PRKCZ: variants seen among roughly 807,000 people sequenced by gnomAD.
PRKCZ encodes the protein protein kinase C zeta.
A neutral mutation model predicts 79.5 loss-of-function variants in PRKCZ; 33 were observed. The observed-to-expected ratio is 0.41, with a 90% CI of 0.31 to 0.55. The LOEUF (loss-of-function observed/expected upper bound fraction) is 0.55. PRKCZ is among the 20% of genes least tolerant of loss of function. The pLI is 0.19. For missense variants in PRKCZ, 578 were observed against 813.5 expected, an observed-to-expected ratio of 0.71 and a Z score of 3.52; for synonymous variants, 342 against 320.9, an observed-to-expected ratio of 1.07 and a Z score of -0.70.
At chr1:2,060,286 A>G (rs2247908) in intron 4 of PRKCZ, among the ~76,000 whole-genome samples, 44,218 of 152,158 alleles carry the variant, frequency 0.29, 8,096 homozygotes, top group African/African-American at 0.5. Context: ...AGTGCCCTTC[A>G]GGCAGGGCTT....
intron 4 of PRKCZ, among the ~76,000 whole-genome samples, chr1:2,064,516 C>A (rs1426076335): frequency 2.0e-5 from 3 of 152,152 alleles, no homozygotes; most frequent in Non-Finnish European, 4.4e-5. Flanking sequence ...ATGTTTAGGT[C>A]ATGGATTATC....
intron 4 of PRKCZ, among the ~76,000 whole-genome samples, chr1:2,097,679 G>A (rs371930703): frequency 2.1e-4 from 32 of 152,218 alleles, no homozygotes; most frequent in African/African-American, 7.0e-4. Flanking sequence ...GCCTCGCACC[G>A]TGCTCCTGGT....
chr1:2,083,664 G>A (rs1237635826), intron 4 of PRKCZ, among the ~76,000 whole-genome samples: 2 of 152,190 alleles, frequency 1.3e-5, no homozygotes, highest in Admixed American at 1.3e-4. Flanking sequence ...AATCCAGTGT[G>A]TGAGGAGGCT....
chr1:2,058,795 C>G (rs1011028910), intron 3 of PRKCZ, among the ~76,000 whole-genome samples: 1 of 152,072 alleles, frequency 6.6e-6, no homozygotes, highest in Admixed American at 6.5e-5. Flanking sequence ...ACTTGGGAGG[C>G]TGAGGCAGGA....
intron 4 of PRKCZ, among the ~76,000 whole-genome samples, chr1:2,120,041 C>T (rs1198846595): frequency 6.6e-6 from 1 of 152,046 alleles, no homozygotes; most frequent in Non-Finnish European, 1.5e-5. Context: ...AGGGGGTTTC[C>T]CCCAACAGGT....
At chr1:2,087,957 G>A (rs1157918071) in intron 4 of PRKCZ, among the ~76,000 whole-genome samples, 1 of 152,246 alleles carries the variant, frequency 6.6e-6, no homozygotes, top group Non-Finnish European at 1.5e-5. Flanking sequence ...GACGGCGTGA[G>A]GGACAGGCTG....
rs1410273383 is a variant in PRKCZ, at chr1:2,057,691, C to CT, written c.283+1118_283+1119insT. On this transcript the variant is annotated intron_variant, in intron 3 of 17. Transcript: ENST00000378567. ...GACCAACCTGGGCAACATAGTGAGA[C>CT]CCCCCCCTCTCCAAAACTTGTTTTA... Among the ~76,000 whole-genome samples the CT allele has an allele frequency of 4.2e-5, 6 of 142,548 alleles. No individual in the cohort carries two copies. In the East Asian group the frequency reaches 2.9e-3, roughly 70 times the overall value. 93.5% of individuals were successfully genotyped at this position (142,548 alleles called of 152,430 possible). A position where few individuals can be genotyped will look rare whatever the true frequency, so the allele number is the denominator to read the frequency against.
At chr1:2,141,603 C>A (rs1485399682) in intron 5 of PRKCZ, 1 of 153,146 alleles carries the variant, frequency 6.5e-6, no homozygotes, top group Non-Finnish European at 1.5e-5. Flanking sequence ...GCCTTGGCCT[C>A]CCAAAGTGCT....
In PRKCZ at chr1:2,094,019, C is replaced by T. The variant is rs1158521144; in HGVS notation, c.334+34428C>T. 3.3e-5 allele frequency among the ~76,000 whole-genome samples: 5 copies of T among 152,278 alleles called. No homozygotes were observed. The highest frequency in any genetic ancestry group is 3.9e-4 in the East Asian group (2 of 5,180). On this transcript the variant is annotated intron_variant, in intron 4 of 17. Transcript: ENST00000378567. The surrounding 1 kb of genome is among the most constrained non-coding windows in gnomAD (Gnocchi z 7.3). ...GCCTGACACGTGTGTCTGCTCCCTG[C>T]GGCACGTCCACAGCACCTGCCAGCC...
At position 2,172,743 on chromosome 1, in the gene PRKCZ, A is replaced by AG. The variant is rs35151355; in HGVS notation, c.1285+360dup. Among the ~76,000 whole-genome samples, 1 of 152,122 alleles carries AG rather than the reference A, an allele frequency of 6.6e-6. No individual in the cohort carries two copies. Among genetic ancestry groups the AG allele is most frequent in the Non-Finnish European group, 1.5e-5 (1 of 68,004 alleles). ...GAGAAGCTGTTGTCTGGGGAGCCCC[A>AG]GGGGGTGCAGGAGCGTGTGGACAGG... is the stretch of plus-strand genomic sequence containing the variant. On this transcript the variant is annotated intron_variant, in intron 13 of 17. Coordinates refer to ENST00000378567, the MANE Select transcript of PRKCZ (RefSeq NM_002744.6). The surrounding 1 kb of genome is among the most constrained non-coding windows in gnomAD (Gnocchi z 7.8).
intron 11 of PRKCZ, 59 bp downstream of exon 11, chr1:2,169,663 G>T: frequency 7.8e-7 from 1 of 1,286,122 alleles, no homozygotes; most frequent in African/African-American, 1.6e-5. Context: ...GGGTGGGTGC[G>T]TGCGGTGTTG....
chr1:2,067,210 TC>T lies in PRKCZ; in HGVS notation c.334+7622del, dbSNP rs58448120. Among the ~76,000 whole-genome samples, 1,187 of 152,340 alleles carry T rather than the reference TC, an allele frequency of 7.8e-3. 57 individuals are homozygous for T. In the East Asian group the frequency reaches 0.13, roughly 17 times the overall value. ...CACTTGTGTTCTGTTCTGGAAAACG[TC>T]CCGTGTGCGTTGAGGGTGTGCAGCC... On this transcript the variant is annotated intron_variant, in intron 4 of 17. Transcript: ENST00000378567.
intron 9 of PRKCZ, among the ~76,000 whole-genome samples, chr1:2,153,578 G>A (rs958344577): frequency 5.3e-5 from 8 of 152,224 alleles, no homozygotes; most frequent in South Asian, 4.1e-4. Flanking sequence ...GCCCTGCGCC[G>A]AGGAACAGAG....
chr1:2,099,301 C>T (rs1667061798), intron 4 of PRKCZ, among the ~76,000 whole-genome samples: 1 of 152,222 alleles, frequency 6.6e-6, no homozygotes, highest in South Asian at 2.1e-4. Flanking sequence ...CGTCTGAGAC[C>T]TTTTCCCAGC....
intron 4 of PRKCZ, among the ~76,000 whole-genome samples, chr1:2,061,582 T>TC (rs1660678323): frequency 6.6e-6 from 1 of 152,096 alleles, no homozygotes; most frequent in African/African-American, 2.4e-5. Flanking sequence ...CTCCACGGCT[T>TC]CGGGGACCAC....
intron 1 of PRKCZ, among the ~76,000 whole-genome samples, chr1:2,054,779 C>T (rs1375659657): frequency 1.3e-5 from 2 of 152,102 alleles, no homozygotes; most frequent in African/African-American, 4.8e-5. Flanking sequence ...TCGCGCCCAT[C>T]CCGGGGTCAC....
intron 10 of PRKCZ, among the ~76,000 whole-genome samples, chr1:2,160,792 G>A (rs953160073): frequency 2.6e-5 from 4 of 152,162 alleles, no homozygotes; most frequent in Admixed American, 6.5e-5. Flanking sequence ...GGCACAGAGC[G>A]GAGCCAGCCT....
intron 4 of PRKCZ, among the ~76,000 whole-genome samples, chr1:2,085,050 A>T (rs2803312): frequency 6.6e-6 from 1 of 151,246 alleles, no homozygotes; most frequent in Non-Finnish European, 1.5e-5. Context: ...CACAGAAGCC[A>T]GACAGGCTGC....
intron 11 of PRKCZ, chr1:2,171,526 C>A (rs901261071): frequency 1.3e-5 from 2 of 152,898 alleles, no homozygotes; most frequent in Non-Finnish European, 2.9e-5. Context: ...CCACCATACC[C>A]GGCTAATTTT....
Sources: gnomAD v4.1 joint callset for allele counts (sites outside exome capture counted in the v4.1 genomes callset) on GRCh38, gnomAD v4.1.1 for gene constraint, Gnocchi (gnomAD v3.1) non-coding constraint, MANE v1.5 for transcripts, NCBI Gene and HGNC (gene_info 2026-07-23, HGNC 2026-07-21) for gene names.